Variants in KPNA6 observed in about 807,000 individuals in gnomAD.
The protein encoded by KPNA6 is importin subunit alpha-7.
KPNA6 carries 9 observed loss-of-function variants against 72.0 expected under a neutral mutation model. The observed-to-expected ratio is 0.13, with a 90% CI of 0.08 to 0.22. KPNA6 has a LOEUF of 0.22. Among genes scored for constraint, KPNA6 ranks in the 10% least tolerant of loss-of-function variants. The pLI is 1.00. For missense variants in KPNA6, 374 were observed against 655.7 expected (o/e 0.57, Z 4.69); for synonymous variants, 219 against 242.1 (o/e 0.90, Z 0.89).
intron 13 of KPNA6, 70 bp downstream of exon 13, chr1:32,170,130 G>A: frequency 7.1e-7 from 1 of 1,401,304 alleles, no homozygotes; most frequent in Non-Finnish European, 9.9e-7. Context: ...TACATATGTT[G>A]GTGGTGGCGG....
At chr1:32,115,174 T>C (rs1641308617) in intron 1 of KPNA6, among the ~76,000 whole-genome samples, 1 of 151,614 alleles carries the variant, frequency 6.6e-6, no homozygotes, top group Non-Finnish European at 1.5e-5. Flanking sequence ...TTCTCTCTGT[T>C]GCCCAGGCTG....
rs1173043696 is a variant in KPNA6, at chr1:32,163,326, A to G, written c.990+13A>G. ...CATCCAGACCCAGGTAAGAAAGAGGAGGGTGCAGGATCTTAGACCAGCTAT... is the reference window on the plus strand; with the variant it reads ...CATCCAGACCCAGGTAAGAAAGAGGGGGGTGCAGGATCTTAGACCAGCTAT... On this transcript the variant is annotated intron_variant, in intron 10 of 13. Coordinates refer to ENST00000373625, the MANE Select transcript of KPNA6 (RefSeq NM_012316.5). 6.3e-7 allele frequency: 1 copy of G among 1,595,088 alleles called. No individual in the cohort carries two copies. The highest frequency in any genetic ancestry group is 2.2e-5 in the East Asian group (1 of 44,714).
rs573520573 is a variant in KPNA6, at chr1:32,152,970, T to C, written c.5-1618T>C. Among the ~76,000 whole-genome samples the C allele has an allele frequency of 1.6e-4, 21 of 132,804 alleles. No homozygotes were observed. In the South Asian group the frequency reaches 5.0e-3, roughly 32 times the overall value. The allele number at this position is 132,804 out of a possible 152,430, so 87.1% of individuals were successfully genotyped here. A position where few individuals can be genotyped will look rare whatever the true frequency, so the allele number is the denominator to read the frequency against. ...GGCGGAGGGTTGCAGTGAGCCAAGATCGCGCCACTGCACTCCAGCCTGGGT... is the reference window on the plus strand; with the variant it reads ...GGCGGAGGGTTGCAGTGAGCCAAGACCGCGCCACTGCACTCCAGCCTGGGT... On this transcript the variant is annotated intron_variant, in intron 1 of 13. Coordinates refer to ENST00000373625, the MANE Select transcript of KPNA6 (RefSeq NM_012316.5).
At chr1:32,153,079 A>C (rs1351747456) in intron 1 of KPNA6, among the ~76,000 whole-genome samples, 1 of 151,700 alleles carries the variant, frequency 6.6e-6, no homozygotes, top group Non-Finnish European at 1.5e-5. Context: ...TACAACTTAA[A>C]TTAGAAAAAA....
intron 1 of KPNA6, among the ~76,000 whole-genome samples, chr1:32,115,674 C>T (rs1641317565): frequency 1.3e-5 from 2 of 152,116 alleles, no homozygotes; most frequent in South Asian, 4.1e-4. Context: ...ATCCTTATTC[C>T]TCAGCCTCCA....
At chr1:32,169,830 C>A in intron 12 of KPNA6, 52 bp from the exon 13 acceptor site, 2 of 1,515,032 alleles carry the variant, frequency 1.3e-6, no homozygotes, top group South Asian at 1.2e-5. Context: ...ACCTGCCCAG[C>A]ACTTCATGTG....
intron 1 of KPNA6, among the ~76,000 whole-genome samples, chr1:32,121,990 G>A (rs1253727805): frequency 2.0e-5 from 3 of 149,670 alleles, no homozygotes; most frequent in African/African-American, 7.3e-5. Context: ...AAAGCCAAGA[G>A]AGGCTGGGCG....
intron 1 of KPNA6, among the ~76,000 whole-genome samples, chr1:32,127,167 G>GC (rs1318323429): frequency 6.6e-6 from 1 of 152,162 alleles, no homozygotes; most frequent in Non-Finnish European, 1.5e-5. Flanking sequence ...AGAGGCAGAA[G>GC]CAAGACTAAG....
chr1:32,117,335 G>A (rs1303366564), intron 1 of KPNA6, among the ~76,000 whole-genome samples: 1 of 152,048 alleles, frequency 6.6e-6, no homozygotes, highest in Non-Finnish European at 1.5e-5. Context: ...ACCACGCCCG[G>A]CTAACTTTTT....
intron 1 of KPNA6, among the ~76,000 whole-genome samples, chr1:32,130,220 A>ATTT (rs1491090442): frequency 3.6e-5 from 5 of 138,478 alleles, no homozygotes; most frequent in African/African-American, 1.4e-4. Context: ...TAGTAGATAA[A>ATTT]TATTTTTTTT....
intron 1 of KPNA6, among the ~76,000 whole-genome samples, chr1:32,141,698 A>G (rs1394206618): frequency 2.0e-5 from 3 of 151,914 alleles, no homozygotes; most frequent in Non-Finnish European, 4.4e-5. Context: ...TGCCTGGCCT[A>G]TTAAGTGAAT....
At chr1:32,143,801 T>C (rs1340708580) in intron 1 of KPNA6, among the ~76,000 whole-genome samples, 1 of 152,122 alleles carries the variant, frequency 6.6e-6, no homozygotes, top group Non-Finnish European at 1.5e-5. Context: ...TCTAATCTAC[T>C]TTCTGAGTTT....
chr1:32,171,192 CAAAG>C lies in KPNA6; in HGVS notation c.*299_*302del, dbSNP rs1299478753. 3 of 359,840 alleles carry C rather than the reference CAAAG, an allele frequency of 8.3e-6. No individual in the cohort carries two copies. In the Admixed American group the frequency reaches 1.2e-4, roughly 15 times the overall value. 22.3% of individuals were successfully genotyped at this position (359,840 alleles called of 1,614,324 possible). A position where few individuals can be genotyped will look rare whatever the true frequency, so the allele number is the denominator to read the frequency against. The stretch of plus-strand genomic sequence containing the variant: ...TTTAACCCAGGAGCCCAGGGGTAGA[CAAAG>C]GAGGACTAAGGTAATCAATTTGCAC... On this transcript the variant is annotated 3_prime_UTR_variant, in exon 14 of 14. Coordinates refer to ENST00000373625, the MANE Select transcript of KPNA6 (RefSeq NM_012316.5).
At chr1:32,116,140 A>C (rs939107722) in intron 1 of KPNA6, among the ~76,000 whole-genome samples, 1 of 151,390 alleles carries the variant, frequency 6.6e-6, no homozygotes, top group African/African-American at 2.4e-5. Flanking sequence ...TGTCAAAACC[A>C]CTAAAAGTTT....
At chr1:32,147,246 A>G (rs1641944501) in intron 1 of KPNA6, among the ~76,000 whole-genome samples, 1 of 152,146 alleles carries the variant, frequency 6.6e-6, no homozygotes, top group Admixed American at 6.6e-5. Flanking sequence ...TTTGTCAGAT[A>G]TAGAATTCTT....
In KPNA6 at chr1:32,152,142, G is replaced by A. The variant is rs1005630349; in HGVS notation, c.5-2446G>A. Reference sequence around the variant, plus strand: ...ACAGGAGTTCAAGACCAGCCTAGACGATATAGTGAGACCCCCATCTCTACA... The same window carrying A: ...ACAGGAGTTCAAGACCAGCCTAGACAATATAGTGAGACCCCCATCTCTACA... On this transcript the variant is annotated intron_variant, in intron 1 of 13. Coordinates refer to ENST00000373625, the MANE Select transcript of KPNA6 (RefSeq NM_012316.5). Among the ~76,000 whole-genome samples, 9 of 151,934 alleles carry A rather than the reference G, an allele frequency of 5.9e-5. No homozygotes were observed. In the South Asian group the frequency reaches 1.0e-3, roughly 18 times the overall value.
intron 1 of KPNA6, among the ~76,000 whole-genome samples, chr1:32,146,944 G>C: frequency 6.6e-6 from 1 of 151,812 alleles, no homozygotes. Flanking sequence ...ACTGCAGCCT[G>C]AACCTCCCAG....
At chr1:32,128,424 T>TACACAC (rs1242632187) in intron 1 of KPNA6, among the ~76,000 whole-genome samples, 9 of 113,238 alleles carry the variant, frequency 7.9e-5, no homozygotes, top group African/African-American at 3.4e-4. Flanking sequence ...TATATATATA[T>TACACAC]ATACACACAC....
intron 1 of KPNA6, among the ~76,000 whole-genome samples, chr1:32,145,451 A>T (rs1641913869): frequency 1.3e-5 from 2 of 151,280 alleles, no homozygotes; most frequent in Non-Finnish European, 1.5e-5. Flanking sequence ...CAGCCTCCTG[A>T]GTAGCTGTGA....
Sources: allele counts gnomAD v4.1 joint callset (sites outside exome capture counted in the v4.1 genomes callset), GRCh38; gene constraint gnomAD v4.1.1; transcripts MANE v1.5; gene names NCBI Gene and HGNC (gene_info 2026-07-23, HGNC 2026-07-21).